The following PCDHGA2 variants were observed in gnomAD, a reference collection of about 807,000 sequenced individuals.
PCDHGA2 encodes protocadherin gamma-A2.
Under a neutral mutation model 59.2 loss-of-function variants are expected in PCDHGA2, and 40 were observed. The observed-to-expected ratio is 0.68, with a 90% confidence interval of 0.52 to 0.88. The LOEUF is 0.88. PCDHGA2 is among the 40% of genes least tolerant of loss of function. The pLI, the probability that PCDHGA2 is intolerant of heterozygous loss-of-function variation, is 0.00. For synonymous variants in PCDHGA2, 560 were observed against 526.0 expected (o/e 1.06, Z -0.89); for missense variants, 1,226 against 1,204.0 (o/e 1.02, Z -0.27).
intron 1 of PCDHGA2, chr5:141,415,862 A>G: frequency 1.8e-6 from 2 of 1,107,350 alleles, no homozygotes; most frequent in Non-Finnish European, 1.2e-6. Flanking sequence ...TGTAGTTTAT[A>G]GTGTTGTTGA....
At chr5:141,371,687 G>T in intron 1 of PCDHGA2, 1 of 1,614,014 alleles carries the variant, frequency 6.2e-7, no homozygotes, top group Non-Finnish European at 8.5e-7. Flanking sequence ...GCAATCCACC[G>T]CTCTCCTCCA....
chr5:141,478,394 G>A, intron 1 of PCDHGA2: 1 of 1,613,586 alleles, frequency 6.2e-7, no homozygotes, highest in Non-Finnish European at 8.5e-7. Context: ...TTACCATCAG[G>A]TGTATCTCAC....
At chr5:141,377,523 G>C (rs937581595) in intron 1 of PCDHGA2, 1 of 151,990 alleles carries the variant, frequency 6.6e-6, no homozygotes, top group Non-Finnish European at 1.5e-5. Flanking sequence ...TTAAGTCCAG[G>C]GGTATGAGGC....
intron 1 of PCDHGA2, chr5:141,351,819 A>G: frequency 6.2e-7 from 1 of 1,613,244 alleles, no homozygotes; most frequent in Non-Finnish European, 8.5e-7. Context: ...GACCACGAGC[A>G]GCTGCGCGCC....
intron 1 of PCDHGA2, chr5:141,414,969 G>A (rs764972439): frequency 7.4e-6 from 12 of 1,613,954 alleles, no homozygotes; most frequent in South Asian, 1.1e-5. Context: ...TGGTGGCGGT[G>A]GACAGAGACT....
At chr5:141,380,635 G>C (rs746308338) in intron 1 of PCDHGA2, among the ~76,000 whole-genome samples, 17 of 152,190 alleles carry the variant, frequency 1.1e-4, no homozygotes, top group African/African-American at 2.4e-4. Flanking sequence ...TAGAAAATGT[G>C]AATGCTAGAG....
Position 141,491,067 on chromosome 5 carries a change from G to A in PCDHGA2, c.2425-3740G>A, listed in dbSNP as rs752758445. On this transcript the variant is annotated intron_variant, in intron 1 of 3. Coordinates refer to ENST00000394576, the MANE Select transcript of PCDHGA2 (RefSeq NM_018915.4). This position sits in a 1 kb window ranked among gnomAD's most constrained non-coding sequence, Gnocchi z 6.9. ...ACAATGCGTGGCTCTCCTACTCACT[G>A]TTGCCACAGTCCACAGCCCCAGGAC... is the stretch of plus-strand genomic sequence containing the variant. 6.2e-7 allele frequency: 1 copy of A among 1,614,200 alleles called. No individual in the cohort carries two copies. Among genetic ancestry groups the A allele is most frequent in the East Asian group, 2.2e-5 (1 of 44,892 alleles).
intron 2 of PCDHGA2, among the ~76,000 whole-genome samples, chr5:141,500,184 TTTTATTTATTTATTTATTTA>T (rs58019021): frequency 1.5e-5 from 2 of 135,966 alleles, no homozygotes; most frequent in Non-Finnish European, 3.2e-5. Flanking sequence ...TCATTTTTAT[TTTTATTTATTTATTTATTTA>T]TTTATTTATT....
At chr5:141,449,630 T>A (rs1006977026) in intron 1 of PCDHGA2, among the ~76,000 whole-genome samples, 6 of 150,024 alleles carry the variant, frequency 4.0e-5, no homozygotes, top group Non-Finnish European at 8.9e-5. Flanking sequence ...TTTAAAAAGA[T>A]GTATCTATAT....
intron 1 of PCDHGA2, chr5:141,365,824 G>T (rs745398679): frequency 6.2e-7 from 1 of 1,613,926 alleles, no homozygotes; most frequent in African/African-American, 1.3e-5. Flanking sequence ...CATTTCAGGG[G>T]GCGCCCTTGT....
intron 1 of PCDHGA2, chr5:141,342,880 G>C (rs866366380): frequency 1.3e-5 from 2 of 152,154 alleles, no homozygotes; most frequent in African/African-American, 4.8e-5. Flanking sequence ...CATCCTTACA[G>C]TCTAGATTTA....
At chr5:141,434,128 G>A (rs1267483739) in intron 1 of PCDHGA2, among the ~76,000 whole-genome samples, 1 of 152,138 alleles carries the variant, frequency 6.6e-6, no homozygotes, top group Non-Finnish European at 1.5e-5. Flanking sequence ...ACTCCCTTTA[G>A]GCTGATTTCT....
At position 141,383,787 on chromosome 5, in the gene PCDHGA2, G is replaced by A. The variant is rs773505278; in HGVS notation, c.2424+42392G>A. 12 of 1,613,832 alleles carry A rather than the reference G, an allele frequency of 7.4e-6. No homozygotes were observed. In the South Asian group the frequency reaches 7.7e-5, roughly 10 times the overall value. On this transcript the variant is annotated intron_variant, in intron 1 of 3. Transcript: ENST00000394576. ...TTCCAAAGATGTTTCATCTGAACTC[G>A]CTTACAGGAGAAATATCAACTTTAG...
At chr5:141,435,067 T>C (rs1381741674) in intron 1 of PCDHGA2, among the ~76,000 whole-genome samples, 1 of 152,168 alleles carries the variant, frequency 6.6e-6, no homozygotes, top group African/African-American at 2.4e-5. Flanking sequence ...CAGTTTTGTG[T>C]AGACCGTCTG....
rs753358324 is a variant in PCDHGA2, at chr5:141,487,328, G to A, written c.2425-7479G>A. On this transcript the variant is annotated intron_variant, in intron 1 of 3. Transcript: ENST00000394576. This position sits in a 1 kb window ranked among gnomAD's most constrained non-coding sequence, Gnocchi z 5.0. ...ACTACTCTCTAAGTGTCTTCGTGGG[G>A]CAGCCTGTGGAGTCACATGCTTTCC... 1.2e-6 allele frequency: 2 copies of A among 1,613,962 alleles called. No individual in the cohort carries two copies. The highest frequency in any genetic ancestry group is 2.2e-5 in the East Asian group (1 of 44,874).
chr5:141,435,910 G>T (rs1296707748), intron 1 of PCDHGA2, among the ~76,000 whole-genome samples: 2 of 152,112 alleles, frequency 1.3e-5, no homozygotes, highest in Non-Finnish European at 2.9e-5. Flanking sequence ...ACATCCAAGG[G>T]CTCTAAAATG....
chr5:141,480,429 T>C (rs72790066), intron 1 of PCDHGA2, among the ~76,000 whole-genome samples: 4 of 151,864 alleles, frequency 2.6e-5, no homozygotes, highest in African/African-American at 9.7e-5. Flanking sequence ...AAAAAAATTA[T>C]CAGCTATTAC....
intron 1 of PCDHGA2, chr5:141,342,511 G>A (rs1444685498): frequency 6.6e-6 from 1 of 152,128 alleles, no homozygotes; most frequent in Admixed American, 6.5e-5. Flanking sequence ...ATTTCTCAAA[G>A]TGCTGTGATT....
In PCDHGA2 at chr5:141,477,155, G is replaced by A. The variant is rs2099406190; in HGVS notation, c.2425-17652G>A. ...GTTGGTGGAGGTTGTGGATGTGAATGACAACGCCCCGGAGATCACAGTCAC... is the reference window on the plus strand; with the variant it reads ...GTTGGTGGAGGTTGTGGATGTGAATAACAACGCCCCGGAGATCACAGTCAC... On this transcript the variant is annotated intron_variant, in intron 1 of 3. Coordinates refer to ENST00000394576, the MANE Select transcript of PCDHGA2 (RefSeq NM_018915.4). The surrounding 1 kb of genome is among the most constrained non-coding windows in gnomAD (Gnocchi z 4.9). The A allele has an allele frequency of 6.2e-7, 1 of 1,614,190 alleles. No individual in the cohort carries two copies. The highest frequency in any genetic ancestry group is 8.5e-7 in the Non-Finnish European group (1 of 1,180,042).
Sources: gnomAD v4.1 joint callset for allele counts (sites outside exome capture counted in the v4.1 genomes callset) on GRCh38, gnomAD v4.1.1 for gene constraint, Gnocchi (gnomAD v3.1) non-coding constraint, MANE v1.5 for transcripts, NCBI Gene and HGNC (gene_info 2026-07-23, HGNC 2026-07-21) for gene names.